Variants in FRMD6 observed in about 807,000 individuals in gnomAD.
The protein encoded by FRMD6 is FERM domain containing 6.
A neutral mutation model predicts 73.2 loss-of-function variants in FRMD6; 37 were observed. That is an observed-to-expected ratio of 0.51 (90% CI 0.39 to 0.66). The LOEUF (loss-of-function observed/expected upper bound fraction) is 0.66. Among genes scored for constraint, FRMD6 ranks in the 30% least tolerant of loss-of-function variants. The probability of loss-of-function intolerance (pLI) is 0.00; values close to 1 mark genes in which losing one functional copy is unlikely to be tolerated. For synonymous variants in FRMD6, 273 were observed against 282.2 expected (o/e 0.97, Z 0.33); for missense variants, 714 against 780.5 (o/e 0.91, Z 1.02).
intron 1 of FRMD6, among the ~76,000 whole-genome samples, chr14:51,560,609 C>T (rs1887427133): frequency 6.6e-6 from 1 of 152,190 alleles, no homozygotes; most frequent in African/African-American, 2.4e-5. Context: ...CTCAGCCTCC[C>T]AAGTAGCTGG....
At chr14:51,681,450 G>A (rs1422294856) in intron 1 of FRMD6, among the ~76,000 whole-genome samples, 3 of 152,088 alleles carry the variant, frequency 2.0e-5, no homozygotes, top group Admixed American at 6.5e-5. Flanking sequence ...TGAGTAACCC[G>A]TTTAATAAAC....
At chr14:51,418,496 CA>C in the FRMD6 span, among the ~76,000 whole-genome samples, 15 of 152,198 alleles carry the variant, frequency 9.9e-5, no homozygotes, top group African/African-American at 3.4e-4. Context: ...GGCTGCAGAA[CA>C]GCAAATATTG....
the FRMD6 span, among the ~76,000 whole-genome samples, chr14:51,432,377 C>T: frequency 2.0e-5 from 3 of 152,104 alleles, no homozygotes; most frequent in South Asian, 6.2e-4. Flanking sequence ...ATTAATTCAA[C>T]TGAAACTCAG....
At chr14:51,687,682 AG>A (rs1375109336) in intron 1 of FRMD6, among the ~76,000 whole-genome samples, 1 of 152,220 alleles carries the variant, frequency 6.6e-6, no homozygotes, top group East Asian at 1.9e-4. Context: ...TATAGGGTAC[AG>A]TACTTTGCAA....
chr14:51,662,239 A>G (rs545886465), intron 1 of FRMD6, among the ~76,000 whole-genome samples: 19 of 152,204 alleles, frequency 1.2e-4, no homozygotes, highest in Middle Eastern at 3.2e-3. Flanking sequence ...CACATAAGGT[A>G]TTCTGTCCAT....
chr14:51,725,737 A>G (rs770582337), intron 12 of FRMD6, 42 bp from the exon 13 acceptor site: 1 of 1,355,768 alleles, frequency 7.4e-7, no homozygotes, highest in East Asian at 2.3e-5. Flanking sequence ...GGTGTGAATA[A>G]TTTGAAGTAT....
intron 2 of FRMD6, chr14:51,575,768 T>C (rs1032580896): frequency 1.3e-5 from 2 of 152,210 alleles, no homozygotes; most frequent in Non-Finnish European, 2.9e-5. Context: ...TGGCTGGAAC[T>C]CTCCGTGTCT....
chr14:51,689,645 T>C (rs374869782), intron 1 of FRMD6, 46 bp from the exon 2 acceptor site: 3 of 591,510 alleles, frequency 5.1e-6, no homozygotes, highest in East Asian at 2.8e-5. Flanking sequence ...CTCTTCGCAG[T>C]CTTCACCGCC....
chr14:51,448,196 G>A, the FRMD6 span, among the ~76,000 whole-genome samples: 3 of 152,084 alleles, frequency 2.0e-5, no homozygotes, highest in African/African-American at 4.8e-5. Flanking sequence ...ATTATTTCTT[G>A]ATCATTCTCT....
At chr14:51,675,845 A>G (rs1894353930) in intron 1 of FRMD6, among the ~76,000 whole-genome samples, 1 of 152,104 alleles carries the variant, frequency 6.6e-6, no homozygotes, top group Non-Finnish European at 1.5e-5. Context: ...TGTCTAGGTA[A>G]CAACATAATC....
chr14:51,435,654 A>G, the FRMD6 span, among the ~76,000 whole-genome samples: 19 of 152,178 alleles, frequency 1.2e-4, no homozygotes, highest in African/African-American at 4.6e-4. Flanking sequence ...GGGTAGAGGG[A>G]AGGGGAGATA....
chr14:51,488,901 G>A (rs1054197543), upstream of FRMD6, among the ~76,000 whole-genome samples: 9 of 152,214 alleles, frequency 5.9e-5, no homozygotes, highest in Non-Finnish European at 1.2e-4. Flanking sequence ...ATTTTATCCC[G>A]AGAGCTTGAT....
chr14:51,596,543 T>G (rs932735400), intron 2 of FRMD6, among the ~76,000 whole-genome samples: 15 of 152,330 alleles, frequency 9.8e-5, no homozygotes, highest in African/African-American at 3.6e-4. Context: ...CTTCGTAAGT[T>G]TACCCATGTG....
intron 2 of FRMD6, among the ~76,000 whole-genome samples, chr14:51,644,819 A>G (rs1422489179): frequency 6.6e-6 from 1 of 152,222 alleles, no homozygotes; most frequent in Non-Finnish European, 1.5e-5. Context: ...GCTTAATTAT[A>G]TAGGAATAAC....
chr14:51,550,657 T>C (rs1886772488), intron 1 of FRMD6, among the ~76,000 whole-genome samples: 1 of 150,600 alleles, frequency 6.6e-6, no homozygotes, highest in South Asian at 2.2e-4. Context: ...AAGGGCGGGA[T>C]AGTGAGTGGA....
intron 2 of FRMD6, chr14:51,584,098 A>T (rs1472207023): frequency 7.9e-5 from 12 of 152,204 alleles, no homozygotes; most frequent in Admixed American, 7.9e-4. Flanking sequence ...CATCAATGTC[A>T]ACTCCTCCTT....
chr14:51,568,907 G>A (rs756593522), intron 1 of FRMD6, among the ~76,000 whole-genome samples: 8 of 149,268 alleles, frequency 5.4e-5, no homozygotes, highest in Non-Finnish European at 1.0e-4. Flanking sequence ...GTGCAATGGC[G>A]CAGTCTCGGC....
intron 2 of FRMD6, among the ~76,000 whole-genome samples, chr14:51,627,793 G>C (rs932814628): frequency 2.6e-5 from 4 of 152,122 alleles, no homozygotes; most frequent in African/African-American, 9.7e-5. Flanking sequence ...GGAGCACTGG[G>C]GATGTTTACC....
chr14:51,623,099 T>TA (rs1890988464), intron 2 of FRMD6, among the ~76,000 whole-genome samples: 1 of 152,100 alleles, frequency 6.6e-6, no homozygotes, highest in South Asian at 2.1e-4. Flanking sequence ...AAACAAATAA[T>TA]ACTTGCTCCT....
Sources: allele counts gnomAD v4.1 joint callset (sites outside exome capture counted in the v4.1 genomes callset), GRCh38; gene constraint gnomAD v4.1.1; transcripts MANE v1.5; gene names NCBI Gene and HGNC (gene_info 2026-07-23, HGNC 2026-07-21).